ANKFN1: variants seen among roughly 807,000 people sequenced by gnomAD.
The protein encoded by ANKFN1 is ankyrin repeat and fibronectin type III domain containing 1, also known as ankyrin repeat and fibronectin type-III domain-containing protein 1.
A neutral mutation model predicts 108.7 loss-of-function variants in ANKFN1; 74 were observed. The observed-to-expected ratio is 0.68, with a 90% CI of 0.56 to 0.83. The LOEUF (loss-of-function observed/expected upper bound fraction) is 0.83. Ranked by LOEUF, ANKFN1 falls within the 40% of genes least tolerant of loss-of-function variation. The pLI is 0.00. For synonymous variants in ANKFN1, 547 were observed against 516.2 expected (o/e 1.06, Z -0.81); for missense variants, 1,505 against 1,382.3 (o/e 1.09, Z -1.41).
chr17:56,224,071 GTGGGGGT>G lies in ANKFN1; in HGVS notation c.13-3845_13-3839del, dbSNP rs1474467094. On this transcript the variant is annotated intron_variant, in intron 2 of 20. Coordinates refer to ENST00000682825, the MANE Select transcript of ANKFN1 (RefSeq NM_001370326.1). ...CTCTGACCTTGCTTCTGCCCCCAGA[GTGGGGGT>G]CATGGGCAGAGCCCCTACAACTCTT... is the stretch of plus-strand genomic sequence containing the variant. 4.6e-5 allele frequency among the ~76,000 whole-genome samples: 7 copies of G among 152,362 alleles called. No homozygotes were observed. The East Asian group carries it at 1.3e-3, about 29-fold the overall frequency.
At chr17:56,467,826 GAA>G (rs1166242975) in intron 15 of ANKFN1, among the ~76,000 whole-genome samples, 1 of 63,320 alleles carries the variant, frequency 1.6e-5, no homozygotes, top group African/African-American at 9.4e-5. Context: ...AAGAAAGAAA[GAA>G]AGAAAGAAAG....
chr17:56,202,482 G>C lies in ANKFN1; in HGVS notation c.-70-10116G>C, dbSNP rs148299378. ...TGAGGAAACTTCTTATCCTAGCATT[G>C]CTAGCCTTCCAGTCTGCCCCTACTC... On this transcript the variant is annotated intron_variant, in intron 1 of 20. Transcript: ENST00000682825. Among the ~76,000 whole-genome samples, 34 of 152,236 alleles carry C rather than the reference G, an allele frequency of 2.2e-4. No individual in the cohort carries two copies. In the East Asian group the frequency reaches 4.2e-3, roughly 19 times the overall value.
At chr17:56,417,080 G>A (rs1448715582) in intron 8 of ANKFN1, among the ~76,000 whole-genome samples, 1 of 151,982 alleles carries the variant, frequency 6.6e-6, no homozygotes, top group Non-Finnish European at 1.5e-5. Flanking sequence ...GGGAGGTTGG[G>A]GGGAATAGTG....
At chr17:56,079,577 C>A (rs6505038) in intron 4 of ANKFN1, among the ~76,000 whole-genome samples, 1 of 152,022 alleles carries the variant, frequency 6.6e-6, no homozygotes, top group African/African-American at 2.4e-5. Flanking sequence ...ATGTGAAAGA[C>A]ACTGTGAGAA....
chr17:56,437,242 C>A (rs559851364), intron 8 of ANKFN1, among the ~76,000 whole-genome samples: 46 of 152,298 alleles, frequency 3.0e-4, no homozygotes, highest in African/African-American at 1.1e-3. Flanking sequence ...CTGAAACTTG[C>A]TTTGTAAAAC....
intron 4 of ANKFN1, among the ~76,000 whole-genome samples, chr17:56,064,276 G>A (rs1272057509): frequency 1.3e-5 from 2 of 152,220 alleles, no homozygotes; most frequent in Non-Finnish European, 2.9e-5. Context: ...GGTGTGCTGT[G>A]CTGGGGGAAA....
At chr17:56,314,052 T>C (rs572431821) in intron 3 of ANKFN1, among the ~76,000 whole-genome samples, 1 of 152,338 alleles carries the variant, frequency 6.6e-6, no homozygotes, top group African/African-American at 2.4e-5. Context: ...GTGTCTAGCT[T>C]CTTTTGCTTA....
At position 56,238,473 on chromosome 17, in the gene ANKFN1, G is replaced by GTA. The variant is rs150898765; in HGVS notation, c.53+10526_53+10527dup. Among the ~76,000 whole-genome samples, 470 of 152,168 alleles carry GTA rather than the reference G, an allele frequency of 3.1e-3. 2 individuals carry two copies. Among genetic ancestry groups the GTA allele is most frequent in the African/African-American group, 0.011 (451 of 41,534 alleles). On this transcript the variant is annotated intron_variant, in intron 3 of 20. Coordinates refer to ENST00000682825, the MANE Select transcript of ANKFN1 (RefSeq NM_001370326.1). ...ACGAATCAAGGTGCTCCTGTGTTGA[G>GTA]TATATATATATTTAGGATAGTTAGA...
At position 56,510,987 on chromosome 17, in the gene ANKFN1, G is replaced by C; in HGVS notation, c.3159G>C (p.Arg1053=). 6.5e-7 allele frequency: 1 copy of C among 1,535,996 alleles called. No homozygotes were observed. The highest frequency in any genetic ancestry group is 8.7e-7 in the Non-Finnish European group (1 of 1,146,852). Residue 1053 remains arginine, a synonymous_variant, in exon 21 of 21, where the codon CGG becomes CGC. Transcript: ENST00000682825. ...GLAQEPKEAK[R]AGPALDDPRG... ...CCCAGGAGCCCAAGGAGGCCAAGCG[G>C]GCCGGCCCTGCCCTTGATGATCCCA...
intron 4 of ANKFN1, among the ~76,000 whole-genome samples, chr17:56,143,436 C>T (rs996651082): frequency 6.6e-6 from 1 of 152,182 alleles, no homozygotes; most frequent in South Asian, 2.1e-4. Context: ...GAGCCACCTC[C>T]TCTAGAGCCC....
At chr17:56,361,460 C>T (rs994648249) in intron 6 of ANKFN1, among the ~76,000 whole-genome samples, 1 of 151,988 alleles carries the variant, frequency 6.6e-6, no homozygotes, top group Admixed American at 6.6e-5. Context: ...AATTAAATTT[C>T]TGGAGTCAGA....
At chr17:56,411,361 G>A (rs558032806) in intron 8 of ANKFN1, among the ~76,000 whole-genome samples, 1 of 152,208 alleles carries the variant, frequency 6.6e-6, no homozygotes, top group East Asian at 1.9e-4. Context: ...TCTACTGAAT[G>A]TATCAGTTCT....
intron 4 of ANKFN1, among the ~76,000 whole-genome samples, chr17:56,115,322 T>C (rs144613439): frequency 1.3e-5 from 2 of 152,172 alleles, no homozygotes; most frequent in Non-Finnish European, 2.9e-5. Context: ...AATGGGATAG[T>C]AAGCAGATGT....
At chr17:56,230,401 G>A (rs1055163890) in intron 3 of ANKFN1, among the ~76,000 whole-genome samples, 3 of 152,082 alleles carry the variant, frequency 2.0e-5, no homozygotes, top group Admixed American at 2.0e-4. Flanking sequence ...AAGGGTTGTT[G>A]TGATAATCAC....
chr17:56,081,051 C>A (rs1453186699), intron 4 of ANKFN1, among the ~76,000 whole-genome samples: 2 of 152,090 alleles, frequency 1.3e-5, no homozygotes, highest in African/African-American at 4.8e-5. Flanking sequence ...AAGACCTGGC[C>A]CCTTGCCTCC....
At chr17:56,072,703 A>G (rs1223326717) in intron 4 of ANKFN1, among the ~76,000 whole-genome samples, 1 of 152,188 alleles carries the variant, frequency 6.6e-6, no homozygotes, top group Non-Finnish European at 1.5e-5. Context: ...AGAATTGGAG[A>G]CAATCAATGT....
chr17:56,438,493 G>A (rs2145150206), intron 8 of ANKFN1, among the ~76,000 whole-genome samples: 1 of 152,170 alleles, frequency 6.6e-6, no homozygotes, highest in East Asian at 1.9e-4. Flanking sequence ...TGGACTCTAT[G>A]AAAAGATACT....
intron 15 of ANKFN1, among the ~76,000 whole-genome samples, chr17:56,475,923 A>G (rs529793032): frequency 6.6e-6 from 1 of 152,196 alleles, no homozygotes; most frequent in Non-Finnish European, 1.5e-5. Flanking sequence ...GTTTAATTGA[A>G]TCACAGCTCT....
chr17:56,350,630 G>A (rs2046221726), intron 4 of ANKFN1, 136 bp from the exon 5 acceptor site: 1 of 784,926 alleles, frequency 1.3e-6, no homozygotes, highest in Non-Finnish European at 2.0e-6. Context: ...AAAAAGCTGG[G>A]TCTGATAATC....
Sources: allele counts gnomAD v4.1 joint callset (sites outside exome capture counted in the v4.1 genomes callset), GRCh38; gene constraint gnomAD v4.1.1; transcripts MANE v1.5; gene names NCBI Gene and HGNC (gene_info 2026-07-23, HGNC 2026-07-21).